Variants in EIPR1 observed in about 807,000 individuals in gnomAD.
EIPR1 encodes the protein EARP complex and GARP complex interacting protein 1.
In EIPR1, 25 loss-of-function variants were observed where a neutral mutation model predicts 48.1. The observed-to-expected ratio is 0.52, with a 90% CI of 0.38 to 0.73. The LOEUF is 0.73. EIPR1 is among the 30% of genes least tolerant of loss of function. The pLI is 0.00. For synonymous variants in EIPR1, 204 were observed against 201.9 expected, an observed-to-expected ratio of 1.01 and a Z score of -0.09; for missense variants, 415 against 506.2, an observed-to-expected ratio of 0.82 and a Z score of 1.73.
intron 4 of EIPR1, among the ~76,000 whole-genome samples, chr2:3,217,625 C>A (rs980343773): frequency 3.3e-5 from 5 of 152,086 alleles, no homozygotes; most frequent in Non-Finnish European, 7.4e-5. Flanking sequence ...TCGTCACATC[C>A]CACTGCAGAT....
intron 2 of EIPR1, 38 bp downstream of exon 2, chr2:3,354,512 T>C: frequency 6.3e-7 from 1 of 1,574,962 alleles, no homozygotes; most frequent in South Asian, 1.1e-5. Context: ...AGAATAGGCT[T>C]AGTAATTATC....
chr2:3,373,446 T>C (rs1228580497), intron 1 of EIPR1, among the ~76,000 whole-genome samples: 9 of 152,148 alleles, frequency 5.9e-5, no homozygotes, highest in Non-Finnish European at 2.9e-5. Context: ...TTGTCCCTGT[T>C]TGCAGACGAC....
chr2:3,333,621 GT>G (rs1382651722), intron 3 of EIPR1, among the ~76,000 whole-genome samples: 3 of 151,934 alleles, frequency 2.0e-5, no homozygotes, highest in African/African-American at 7.3e-5. Flanking sequence ...CATACCTGTG[GT>G]CCCAGCTAGT....
At chr2:3,351,125 C>T (rs1171934320) in intron 2 of EIPR1, among the ~76,000 whole-genome samples, 1 of 151,906 alleles carries the variant, frequency 6.6e-6, no homozygotes, top group Non-Finnish European at 1.5e-5. Context: ...CTCAGCCTTC[C>T]AAGTAGCTGG....
chr2:3,330,324 T>G (rs1572451480), intron 3 of EIPR1, among the ~76,000 whole-genome samples: 1 of 152,326 alleles, frequency 6.6e-6, no homozygotes, highest in East Asian at 1.9e-4. Context: ...CAAAATGGCT[T>G]GCACTAGTAT....
chr2:3,263,067 G>A (rs1487416473), intron 3 of EIPR1, among the ~76,000 whole-genome samples: 1 of 152,220 alleles, frequency 6.6e-6, no homozygotes, highest in Admixed American at 6.5e-5. Flanking sequence ...GAAGAGATCT[G>A]AGCTGCTTTA....
intron 4 of EIPR1, among the ~76,000 whole-genome samples, chr2:3,254,387 C>T (rs1432255158): frequency 2.6e-5 from 4 of 152,148 alleles, no homozygotes; most frequent in Admixed American, 1.3e-4. Flanking sequence ...ATACTTACCG[C>T]AACTGTAGTC....
chr2:3,326,455 C>A (rs928293622), intron 3 of EIPR1, among the ~76,000 whole-genome samples: 5 of 152,200 alleles, frequency 3.3e-5, no homozygotes, highest in African/African-American at 1.2e-4. Context: ...GCCCTGCTCC[C>A]ACCATGCCCA....
chr2:3,318,407 T>C (rs1273838332), intron 3 of EIPR1, among the ~76,000 whole-genome samples: 1 of 152,152 alleles, frequency 6.6e-6, no homozygotes, highest in East Asian at 1.9e-4. Flanking sequence ...ACATCTTCAT[T>C]AGTGATCTGG....
chr2:3,309,950 C>G (rs932543511), intron 3 of EIPR1, among the ~76,000 whole-genome samples: 3 of 152,118 alleles, frequency 2.0e-5, no homozygotes, highest in Non-Finnish European at 4.4e-5. Flanking sequence ...TGTGCAGGCT[C>G]TGGCAGTGCC....
intron 3 of EIPR1, chr2:3,320,568 TCA>T (rs1367563458): frequency 1.3e-5 from 2 of 152,280 alleles, no homozygotes; most frequent in African/African-American, 2.4e-5. Context: ...GCAATGAAAC[TCA>T]CAGTTTATGG....
intron 4 of EIPR1, among the ~76,000 whole-genome samples, chr2:3,227,245 C>A (rs1489388683): frequency 1.3e-5 from 2 of 152,160 alleles, no homozygotes; most frequent in African/African-American, 4.8e-5. Flanking sequence ...AAAGTTTGGA[C>A]CTTCCTACAG....
At chr2:3,202,752 G>A (rs1349773366) in intron 5 of EIPR1, among the ~76,000 whole-genome samples, 1 of 152,186 alleles carries the variant, frequency 6.6e-6, no homozygotes, top group African/African-American at 2.4e-5. Flanking sequence ...CCTTGCAGAA[G>A]TTCAGTCAGC....
intron 2 of EIPR1, among the ~76,000 whole-genome samples, chr2:3,351,492 C>T (rs1194415136): frequency 2.0e-5 from 3 of 152,148 alleles, no homozygotes; most frequent in South Asian, 2.1e-4. Flanking sequence ...CTTTCTGAAG[C>T]TGCATTTGGA....
intron 3 of EIPR1, among the ~76,000 whole-genome samples, chr2:3,283,831 C>T (rs189956105): frequency 5.3e-5 from 8 of 151,666 alleles, no homozygotes; most frequent in Admixed American, 5.3e-4. Flanking sequence ...TAAATCCCAG[C>T]TACTCAGAGG....
chr2:3,318,365 C>T (rs975503115), intron 3 of EIPR1, among the ~76,000 whole-genome samples: 1 of 152,206 alleles, frequency 6.6e-6, no homozygotes, highest in Non-Finnish European at 1.5e-5. Context: ...GAGGAGCCGT[C>T]GTGGGCTGCT....
chr2:3,377,376 A>G (rs1028372394), intron 1 of EIPR1: 3 of 409,042 alleles, frequency 7.3e-6, no homozygotes, highest in Non-Finnish European at 1.3e-5. Flanking sequence ...AAATGAGTCC[A>G]CCAAAGTGAG....
intron 1 of EIPR1, among the ~76,000 whole-genome samples, chr2:3,372,812 C>T (rs910982591): frequency 6.6e-6 from 1 of 152,186 alleles, no homozygotes; most frequent in Non-Finnish European, 1.5e-5. Context: ...TAAGGAGGAA[C>T]TGGTACCATT....
chr2:3,263,395 G>A (rs1055356101), intron 3 of EIPR1, among the ~76,000 whole-genome samples: 2 of 152,170 alleles, frequency 1.3e-5, no homozygotes, highest in Non-Finnish European at 1.5e-5. Flanking sequence ...ACAGGAAGAA[G>A]TTCATCCGAC....
Sources: gnomAD v4.1 joint callset for allele counts (sites outside exome capture counted in the v4.1 genomes callset) on GRCh38, gnomAD v4.1.1 for gene constraint, MANE v1.5 for transcripts, NCBI Gene and HGNC (gene_info 2026-07-23, HGNC 2026-07-21) for gene names.